The following MYO3B variants were observed in gnomAD, a reference collection of about 807,000 sequenced individuals.
MYO3B encodes myosin IIIB.
A neutral mutation model predicts 174.6 loss-of-function variants in MYO3B; 156 were observed. The ratio of observed to expected loss-of-function variants is 0.89; its 90% confidence interval spans 0.78 to 1.02. The LOEUF (loss-of-function observed/expected upper bound fraction) is 1.02. Among genes scored for constraint, MYO3B ranks in the 50% least tolerant of loss-of-function variants. The probability of loss-of-function intolerance (pLI) is 0.00; values close to 1 mark genes in which losing one functional copy is unlikely to be tolerated. For missense variants in MYO3B, 1,632 were observed against 1,639.4 expected (o/e 1.00, Z 0.08); for synonymous variants, 563 against 569.1 (o/e 0.99, Z 0.15).
At chr2:170,615,119 G>T (rs991032340) in intron 32 of MYO3B, among the ~76,000 whole-genome samples, 2 of 152,106 alleles carry the variant, frequency 1.3e-5, no homozygotes, top group African/African-American at 2.4e-5. Context: ...CCTGCTCTCT[G>T]ATCCTGCCTT....
rs185623898 is a variant in MYO3B, at chr2:170,562,325, C to G, written c.3733+18337C>G. Reference sequence around the variant, plus strand: ...GTTAACCCTATTTTGACGTTTTAGACCACTGATTTTAAAAGAGTAATGATA... The same window carrying G: ...GTTAACCCTATTTTGACGTTTTAGAGCACTGATTTTAAAAGAGTAATGATA... On this transcript the variant is annotated intron_variant, in intron 32 of 34. Transcript: ENST00000408978. 3.8e-3 allele frequency among the ~76,000 whole-genome samples: 579 copies of G among 152,166 alleles called. 2 individuals carry two copies. The highest frequency in any genetic ancestry group is 0.013 in the African/African-American group (532 of 41,510).
chr2:170,509,356 C>CA (rs1335258023), intron 28 of MYO3B, among the ~76,000 whole-genome samples: 1 of 151,536 alleles, frequency 6.6e-6, no homozygotes, highest in Non-Finnish European at 1.5e-5. Context: ...GACCCTGTCT[C>CA]AAAAAAACAA....
intron 22 of MYO3B, among the ~76,000 whole-genome samples, chr2:170,435,123 C>T (rs1345671935): frequency 5.9e-5 from 9 of 152,224 alleles, no homozygotes; most frequent in South Asian, 2.1e-4. Context: ...ACATTACCAG[C>T]CCAACTCACT....
At chr2:170,310,731 T>A (rs1574763220) in intron 7 of MYO3B, among the ~76,000 whole-genome samples, 1 of 136,410 alleles carries the variant, frequency 7.3e-6, no homozygotes, top group Non-Finnish European at 1.6e-5. Flanking sequence ...AACTTGAAGG[T>A]GGGGGATGGT....
At chr2:170,561,448 C>T (rs1691705947) in intron 32 of MYO3B, among the ~76,000 whole-genome samples, 1 of 152,236 alleles carries the variant, frequency 6.6e-6, no homozygotes, top group African/African-American at 2.4e-5. Flanking sequence ...TAATTTCCCA[C>T]ATTCTTTTGC....
At chr2:170,188,645 G>T (rs2092500375) in intron 1 of MYO3B, among the ~76,000 whole-genome samples, 1 of 151,888 alleles carries the variant, frequency 6.6e-6, no homozygotes, top group African/African-American at 2.4e-5. Context: ...TTGATTTGCA[G>T]TTACCATGAG....
intron 7 of MYO3B, among the ~76,000 whole-genome samples, chr2:170,275,208 A>G (rs950663412): frequency 1.3e-5 from 2 of 152,208 alleles, no homozygotes; most frequent in Non-Finnish European, 2.9e-5. Flanking sequence ...TCAGACTTAA[A>G]CATTGCTTCA....
intron 7 of MYO3B, among the ~76,000 whole-genome samples, chr2:170,299,717 TCCC>T (rs2105440466): frequency 6.6e-6 from 1 of 152,340 alleles, no homozygotes; most frequent in East Asian, 1.9e-4. Flanking sequence ...TTCATTATTT[TCCC>T]CTTTGTTCTC....
intron 7 of MYO3B, among the ~76,000 whole-genome samples, chr2:170,317,249 T>C (rs2093782300): frequency 6.6e-6 from 1 of 152,108 alleles, no homozygotes; most frequent in Admixed American, 6.5e-5. Flanking sequence ...GCATTTTGGT[T>C]TGTGACTTTG....
At chr2:170,326,703 G>T (rs1308417879) in intron 7 of MYO3B, among the ~76,000 whole-genome samples, 1 of 152,188 alleles carries the variant, frequency 6.6e-6, no homozygotes, top group African/African-American at 2.4e-5. Flanking sequence ...AGAGGGAAAG[G>T]TACCCCAATG....
chr2:170,489,679 G>GTC (rs1553507445), intron 25 of MYO3B, among the ~76,000 whole-genome samples: 5,607 of 141,248 alleles, frequency 0.04, 326 homozygotes, highest in African/African-American at 0.14. Context: ...CTGGGTAAGT[G>GTC]TGGGTAAGTG....
chr2:170,400,656 C>T (rs1012344801), intron 17 of MYO3B, among the ~76,000 whole-genome samples: 3 of 134,540 alleles, frequency 2.2e-5, no homozygotes, highest in African/African-American at 7.6e-5. Flanking sequence ...ACCCCCCCCC[C>T]CTCGGCCTCC....
At chr2:170,450,776 T>A (rs757415329) in intron 23 of MYO3B, among the ~76,000 whole-genome samples, 1 of 152,230 alleles carries the variant, frequency 6.6e-6, no homozygotes, top group Non-Finnish European at 1.5e-5. Flanking sequence ...AAACTTCTTA[T>A]AACTCTTTAC....
intron 3 of MYO3B, among the ~76,000 whole-genome samples, chr2:170,202,117 A>C (rs1308345045): frequency 6.6e-6 from 1 of 152,214 alleles, no homozygotes; most frequent in African/African-American, 2.4e-5. Context: ...GCAGCCAGGA[A>C]GTAGCACATG....
chr2:170,440,339 G>T (rs1160335173), intron 22 of MYO3B, among the ~76,000 whole-genome samples: 4 of 152,104 alleles, frequency 2.6e-5, no homozygotes, highest in African/African-American at 9.7e-5. Flanking sequence ...ACTTAATAGG[G>T]ATTACACTGA....
intron 32 of MYO3B, among the ~76,000 whole-genome samples, chr2:170,626,703 G>A: frequency 6.6e-6 from 1 of 152,206 alleles, no homozygotes; most frequent in East Asian, 1.9e-4. Flanking sequence ...TCCTTTCCAT[G>A]TTTAGTGCAT....
In MYO3B at chr2:170,236,623, G is replaced by C. The variant is rs77884676; in HGVS notation, c.749+487G>C. Among the ~76,000 whole-genome samples, 1,214 of 152,268 alleles carry C rather than the reference G, an allele frequency of 8.0e-3. 7 individuals carry two copies. Among genetic ancestry groups the C allele is most frequent in the Middle Eastern group, 0.014 (4 of 294 alleles). ...TTAATTTCCGTCTCAGTGGAAAATT[G>C]TGCGGAAAGAGGTCTGTTTGGAGAG... On this transcript the variant is annotated intron_variant, in intron 7 of 34. Coordinates refer to ENST00000408978, the MANE Select transcript of MYO3B (RefSeq NM_138995.5).
chr2:170,472,781 A>C (rs1376825986), intron 25 of MYO3B, among the ~76,000 whole-genome samples: 1 of 151,728 alleles, frequency 6.6e-6, no homozygotes, highest in Non-Finnish European at 1.5e-5. Flanking sequence ...GGCTCACTGC[A>C]ACCTCTACCC....
chr2:170,558,303 CAA>C (rs796376034), intron 32 of MYO3B, among the ~76,000 whole-genome samples: 7 of 120,128 alleles, frequency 5.8e-5, no homozygotes, highest in African/African-American at 6.6e-5. Context: ...ACTCTGTCTC[CAA>C]AAAAAAAAAA....
Sources: gnomAD v4.1 joint callset for allele counts (sites outside exome capture counted in the v4.1 genomes callset) on GRCh38, gnomAD v4.1.1 for gene constraint, MANE v1.5 for transcripts, NCBI Gene and HGNC (gene_info 2026-07-23, HGNC 2026-07-21) for gene names.